KCTD8: variants seen among roughly 807,000 people sequenced by gnomAD.
KCTD8 encodes the protein potassium channel tetramerization domain containing 8, also known as BTB/POZ domain-containing protein KCTD8.
A neutral mutation model predicts 31.5 loss-of-function variants in KCTD8; 27 were observed. That is an observed-to-expected ratio of 0.86 (90% CI 0.63 to 1.18). The LOEUF is 1.18. Ranked by LOEUF, KCTD8 falls within the 50% of genes most tolerant of loss-of-function variation. KCTD8 has a pLI of 0.00. For missense variants in KCTD8, 658 were observed against 647.7 expected (o/e 1.02, Z -0.17); for synonymous variants, 290 against 280.0 (o/e 1.04, Z -0.36).
chr4:44,254,337 CA>C (rs1186807776), intron 1 of KCTD8, among the ~76,000 whole-genome samples: 2 of 151,892 alleles, frequency 1.3e-5, no homozygotes, highest in Non-Finnish European at 2.9e-5. Flanking sequence ...GGGCAAAGAT[CA>C]AATATAGTTT....
intron 1 of KCTD8, among the ~76,000 whole-genome samples, chr4:44,380,643 G>A (rs1468782442): frequency 1.3e-5 from 2 of 151,674 alleles, no homozygotes; most frequent in African/African-American, 2.4e-5. Flanking sequence ...TTTCCACAAC[G>A]CTTCTGTGGT....
At chr4:44,219,923 C>T (rs1342059637) in intron 1 of KCTD8, among the ~76,000 whole-genome samples, 1 of 152,046 alleles carries the variant, frequency 6.6e-6, no homozygotes, top group Non-Finnish European at 1.5e-5. Flanking sequence ...AAGCTTCAGG[C>T]AATACTAACG....
intron 1 of KCTD8, among the ~76,000 whole-genome samples, chr4:44,290,773 G>A (rs765732186): frequency 6.4e-4 from 97 of 151,944 alleles, no homozygotes; most frequent in Non-Finnish European, 1.2e-3. Context: ...AAAAATTAGA[G>A]ACACATCTTA....
rs570521203 is a variant in KCTD8, at chr4:44,218,124, CTTTTTTTTTTTTTTT to C, written c.962-42889_962-42875del. 1.1e-4 allele frequency among the ~76,000 whole-genome samples: 10 copies of C among 91,536 alleles called. 2 individuals carry two copies. In the South Asian group the frequency reaches 4.0e-3, roughly 36 times the overall value. 60.1% of individuals were successfully genotyped at this position (91,536 alleles called of 152,430 possible). On this transcript the variant is annotated intron_variant, in intron 1 of 1. Coordinates refer to ENST00000360029, the MANE Select transcript of KCTD8 (RefSeq NM_198353.3). ...GTAACACTGTACATTTTAAAATGTC[CTTTTTTTTTTTTTTT>C]TTTTTTTTTTTTGAGATGGCGTCTT...
intron 1 of KCTD8, among the ~76,000 whole-genome samples, chr4:44,315,198 T>G (rs1718070327): frequency 6.6e-6 from 1 of 152,064 alleles, no homozygotes; most frequent in Non-Finnish European, 1.5e-5. Context: ...ATTTCTTTTT[T>G]TAAAGCTAGC....
At chr4:44,390,480 T>C (rs192354991) in intron 1 of KCTD8, among the ~76,000 whole-genome samples, 1 of 152,132 alleles carries the variant, frequency 6.6e-6, no homozygotes, top group East Asian at 1.9e-4. Flanking sequence ...TTCTCTATAC[T>C]GTTTCATTGG....
chr4:44,409,823 G>C (rs527389569), intron 1 of KCTD8, among the ~76,000 whole-genome samples: 1 of 149,546 alleles, frequency 6.7e-6, no homozygotes, highest in East Asian at 2.0e-4. Flanking sequence ...TTAGAATAGT[G>C]ATTACAGGAC....
intron 1 of KCTD8, among the ~76,000 whole-genome samples, chr4:44,408,831 A>C (rs1720876116): frequency 6.6e-6 from 1 of 151,916 alleles, no homozygotes; most frequent in South Asian, 2.1e-4. Flanking sequence ...GTTGGCCAAG[A>C]TGGTCTTGAT....
chr4:44,420,363 T>C (rs1378444981), intron 1 of KCTD8, among the ~76,000 whole-genome samples: 1 of 152,178 alleles, frequency 6.6e-6, no homozygotes, highest in East Asian at 1.9e-4. Flanking sequence ...AAGCAATAAC[T>C]TATTTGGTCA....
At chr4:44,269,043 T>G (rs1037275110) in intron 1 of KCTD8, among the ~76,000 whole-genome samples, 1 of 152,110 alleles carries the variant, frequency 6.6e-6, no homozygotes, top group Non-Finnish European at 1.5e-5. Context: ...AAAACTACTT[T>G]AAAGTTCATA....
At chr4:44,194,806 TC>T (rs1713886676) in intron 1 of KCTD8, among the ~76,000 whole-genome samples, 1 of 70,480 alleles carries the variant, frequency 1.4e-5, no homozygotes, top group African/African-American at 5.9e-5. Context: ...CCTCCCTCCC[TC>T]CCTCCCTCCC....
intron 1 of KCTD8, among the ~76,000 whole-genome samples, chr4:44,336,371 T>C (rs1718744984): frequency 6.6e-6 from 1 of 151,526 alleles, no homozygotes. Flanking sequence ...GAATTGAAAA[T>C]TTATATGATA....
chr4:44,267,135 T>A (rs1379142536), intron 1 of KCTD8, among the ~76,000 whole-genome samples: 1 of 152,122 alleles, frequency 6.6e-6, no homozygotes, highest in African/African-American at 2.4e-5. Context: ...ATTGACCACA[T>A]ACTTGGAAGT....
rs941035570 is a variant in KCTD8, at chr4:44,376,471, G to C, written c.961+71092C>G. ...GAGAGTAATGCACTTTGAACCTGAG[G>C]GAACTTCATTTATAAAGTTTATTTT... On this transcript the variant is annotated intron_variant, in intron 1 of 1. Coordinates refer to ENST00000360029, the MANE Select transcript of KCTD8 (RefSeq NM_198353.3). 1.1e-4 allele frequency among the ~76,000 whole-genome samples: 17 copies of C among 152,086 alleles called. 1 individual carries two copies.
chr4:44,405,817 CAAAA>C (rs903559298), intron 1 of KCTD8, among the ~76,000 whole-genome samples: 5 of 32,246 alleles, frequency 1.6e-4, no homozygotes, highest in African/African-American at 6.5e-4. Flanking sequence ...TCCTGTTTCT[CAAAA>C]AAAAAAAAAA....
Position 44,448,406 on chromosome 4 carries a change from A to AGGGTGC in KCTD8, c.112_117dup (p.Ala38_Pro39dup), listed in dbSNP as rs1722011889. The AGGGTGC allele has an allele frequency of 6.4e-7, 1 of 1,572,828 alleles. No individual in the cohort carries two copies. Among genetic ancestry groups the AGGGTGC allele is most frequent in the African/African-American group, 1.4e-5 (1 of 72,604 alleles). The stretch of plus-strand genomic sequence containing the variant: ...AGCTCCACTACTTCAGGGAAGGGCG[A>AGGGTGC]GGGTGCGCAGGGCCCCGGGGCGGCG... On this transcript the variant is annotated inframe_insertion, in exon 1 of 2. Transcript: ENST00000360029. The surrounding 1 kb of genome is among the most constrained non-coding windows in gnomAD (Gnocchi z 4.1).
intron 1 of KCTD8, among the ~76,000 whole-genome samples, chr4:44,207,187 T>C (rs1214039945): frequency 2.0e-5 from 3 of 152,206 alleles, no homozygotes; most frequent in Admixed American, 6.5e-5. Flanking sequence ...TTACAAGGCA[T>C]TGTGCCTGCA....
intron 1 of KCTD8, among the ~76,000 whole-genome samples, chr4:44,278,797 T>G (rs955585980): frequency 2.0e-5 from 3 of 152,060 alleles, no homozygotes; most frequent in African/African-American, 7.2e-5. Flanking sequence ...CTCAAAGAGT[T>G]GAACTCCCAG....
At chr4:44,342,124 C>T (rs183704663) in intron 1 of KCTD8, among the ~76,000 whole-genome samples, 3 of 152,222 alleles carry the variant, frequency 2.0e-5, no homozygotes, top group Admixed American at 6.5e-5. Context: ...GTAATCCCAG[C>T]ATTTTGGGAG....
Sources: gnomAD v4.1 joint callset for allele counts (sites outside exome capture counted in the v4.1 genomes callset) on GRCh38, gnomAD v4.1.1 for gene constraint, Gnocchi (gnomAD v3.1) non-coding constraint, MANE v1.5 for transcripts, NCBI Gene and HGNC (gene_info 2026-07-23, HGNC 2026-07-21) for gene names.